AZIN1: variants seen among roughly 807,000 people sequenced by gnomAD.
AZIN1 encodes the protein antizyme inhibitor 1.
AZIN1 carries 12 observed loss-of-function variants against 47.4 expected under a neutral mutation model. The ratio of observed to expected loss-of-function variants is 0.25; its 90% CI spans 0.16 to 0.41. The LOEUF (loss-of-function observed/expected upper bound fraction) is 0.41, where lower values mean the gene tolerates loss of function less well. Ranked by LOEUF, AZIN1 falls within the 10% of genes least tolerant of loss-of-function variation. The pLI, the probability that AZIN1 is intolerant of heterozygous loss-of-function variation, is 1.00. For synonymous variants in AZIN1, 155 were observed against 176.3 expected, an observed-to-expected ratio of 0.88 and a Z score of 0.96; for missense variants, 410 against 532.4, an observed-to-expected ratio of 0.77 and a Z score of 2.26.
Position 102,839,833 on chromosome 8 carries a change from T to G in AZIN1, c.103-10A>C. 2.6e-6 allele frequency: 4 copies of G among 1,541,718 alleles called. No individual in the cohort carries two copies. The highest frequency in any genetic ancestry group is 3.5e-6 in the Non-Finnish European group (4 of 1,144,588). The stretch of plus-strand genomic sequence containing the variant: ...ATGCATTTTTCCCTGTCTATTATGG[T>G]TATAAAAAAAAAGACAAATATGAAC... On this transcript the variant is annotated splice_polypyrimidine_tract_variant and intron_variant, in intron 3 of 11. Coordinates refer to ENST00000337198, the MANE Select transcript of AZIN1 (RefSeq NM_148174.4).
intron 1 of AZIN1, among the ~76,000 whole-genome samples, chr8:102,859,387 AATAC>A (rs533200138): frequency 3.9e-5 from 6 of 152,350 alleles, no homozygotes; most frequent in African/African-American, 1.4e-4. Flanking sequence ...TCTTTTTCTC[AATAC>A]ATATATCCAC....
chr8:102,858,097 C>T lies in AZIN1; in HGVS notation c.-180G>A. On this transcript the variant is annotated 5_prime_UTR_variant, in exon 2 of 12. Transcript: ENST00000337198. The stretch of plus-strand genomic sequence containing the variant: ...CGTTGAAGTCGAACTGCTCTCTATA[C>T]AGCACTTCTCCTAGGCCCTCTGGGT... 2 of 398,984 alleles carry T rather than the reference C, an allele frequency of 5.0e-6. No individual in the cohort carries two copies. The highest frequency in any genetic ancestry group is 3.6e-5 in the East Asian group (1 of 28,074). 24.7% of individuals were successfully genotyped at this position (398,984 alleles called of 1,614,324 possible).
intron 2 of AZIN1, chr8:102,855,699 G>A (rs186022206): frequency 1.3e-5 from 2 of 152,296 alleles, no homozygotes; most frequent in Admixed American, 1.3e-4. Context: ...TAATTTCCAT[G>A]AAGCTGTTTT....
chr8:102,828,053 A>T lies in AZIN1; in HGVS notation c.*514T>A, dbSNP rs1811204376. ...AATCATACAAGGGTTACATTAGGTC[A>T]ACAAATACTATGATGCAATTTTACA... On this transcript the variant is annotated 3_prime_UTR_variant, in exon 12 of 12. Transcript: ENST00000337198. 6.5e-6 allele frequency: 1 copy of T among 152,730 alleles called. No individual in the cohort carries two copies. The highest frequency in any genetic ancestry group is 1.5e-5 in the Non-Finnish European group (1 of 68,082). 9.5% of individuals were successfully genotyped at this position (152,730 alleles called of 1,614,324 possible).
chr8:102,846,444 C>T (rs1217156606), intron 2 of AZIN1, among the ~76,000 whole-genome samples: 1 of 152,218 alleles, frequency 6.6e-6, no homozygotes, highest in African/African-American at 2.4e-5. Flanking sequence ...ATAGCAGTCT[C>T]CCAGCCTAAG....
intron 5 of AZIN1, among the ~76,000 whole-genome samples, chr8:102,838,258 G>A (rs1228825603): frequency 1.3e-5 from 2 of 152,030 alleles, no homozygotes; most frequent in Non-Finnish European, 2.9e-5. Context: ...AAAAATAAAA[G>A]TATTAGCCTT....
At chr8:102,834,111 A>T (rs1404034271) in intron 8 of AZIN1, 78 bp downstream of exon 8, 2 of 1,195,926 alleles carry the variant, frequency 1.7e-6, no homozygotes, top group South Asian at 1.3e-5. Context: ...CCATTGTAAA[A>T]ATCCTGCTCT....
At chr8:102,847,744 A>C (rs1254994221) in intron 2 of AZIN1, among the ~76,000 whole-genome samples, 1 of 152,028 alleles carries the variant, frequency 6.6e-6, no homozygotes, top group Admixed American at 6.6e-5. Flanking sequence ...CATCATGTCC[A>C]GCTAATTTTT....
intron 4 of AZIN1, among the ~76,000 whole-genome samples, chr8:102,839,185 T>C (rs1286805471): frequency 6.6e-6 from 1 of 152,040 alleles, no homozygotes; most frequent in African/African-American, 2.4e-5. Context: ...TTTAAAAACA[T>C]AAATAAATAA....
Position 102,828,520 on chromosome 8 carries a change from A to C in AZIN1, c.*47T>G. 7.8e-7 allele frequency: 1 copy of C among 1,275,242 alleles called. No individual in the cohort carries two copies. The highest frequency in any genetic ancestry group is 1.1e-6 in the Non-Finnish European group (1 of 898,626). The allele number at this position is 1,275,242 out of a possible 1,614,324, so 79.0% of individuals were successfully genotyped here. On this transcript the variant is annotated 3_prime_UTR_variant, in exon 12 of 12. Coordinates refer to ENST00000337198, the MANE Select transcript of AZIN1 (RefSeq NM_148174.4). ...TTTTCCACACTGGAATGTTGACCAGACAAGCTTAACCTGCAACTTCAGATC... is the reference window on the plus strand; with the variant it reads ...TTTTCCACACTGGAATGTTGACCAGCCAAGCTTAACCTGCAACTTCAGATC...
At chr8:102,857,304 T>C (rs1813353788) in intron 2 of AZIN1, among the ~76,000 whole-genome samples, 1 of 152,150 alleles carries the variant, frequency 6.6e-6, no homozygotes, top group African/African-American at 2.4e-5. Flanking sequence ...CCTGAAAACT[T>C]ACCTCTAAGT....
Position 102,827,362 on chromosome 8 carries a change from A to G in AZIN1, c.*1205T>C, listed in dbSNP as rs1451469050. Reference sequence around the variant, plus strand: ...ATAAAATTTTAGTAAGAAAAGAATTAAAAGTAATGACTAAGCAGAACAAAT... The same window carrying G: ...ATAAAATTTTAGTAAGAAAAGAATTGAAAGTAATGACTAAGCAGAACAAAT... On this transcript the variant is annotated 3_prime_UTR_variant, in exon 12 of 12. Coordinates refer to ENST00000337198, the MANE Select transcript of AZIN1 (RefSeq NM_148174.4). The G allele has an allele frequency of 6.6e-6, 1 of 152,210 alleles. No individual in the cohort carries two copies. Among genetic ancestry groups the G allele is most frequent in the Non-Finnish European group, 1.5e-5 (1 of 68,030 alleles). 9.4% of individuals were successfully genotyped at this position (152,210 alleles called of 1,614,324 possible).
chr8:102,852,722 G>GT (rs1278295661), intron 2 of AZIN1, among the ~76,000 whole-genome samples: 1 of 152,194 alleles, frequency 6.6e-6, no homozygotes, highest in Non-Finnish European at 1.5e-5. Flanking sequence ...ATGCTACACA[G>GT]TATTTTCTAC....
chr8:102,844,098 G>A (rs950927936), intron 2 of AZIN1, among the ~76,000 whole-genome samples: 1 of 152,316 alleles, frequency 6.6e-6, no homozygotes, highest in Non-Finnish European at 1.5e-5. Context: ...TAAGAGTAAA[G>A]AAAGCTAGTG....
At chr8:102,845,890 G>C (rs1812537944) in intron 2 of AZIN1, among the ~76,000 whole-genome samples, 1 of 152,104 alleles carries the variant, frequency 6.6e-6, no homozygotes, top group Admixed American at 6.6e-5. Context: ...TTAAGTAAGA[G>C]GTAAAACGAA....
In AZIN1 at chr8:102,839,768, CTG is replaced by C. The variant is rs1358547685; in HGVS notation, c.156_157del (p.His52GlnfsTer26). ...CTGAGCCACTACATTCTGCCATTGA[CTG>C]TGTTTCTTCACAATCTTTCCAAGAT... On this transcript the variant is annotated frameshift_variant, in exon 4 of 12. Transcript: ENST00000337198. LOFTEE classifies it high-confidence loss of function. 6.2e-7 allele frequency: 1 copy of C among 1,605,980 alleles called. No homozygotes were observed. Among genetic ancestry groups the C allele is most frequent in the Non-Finnish European group, 8.5e-7 (1 of 1,175,578 alleles).
At chr8:102,850,993 A>G (rs1305816947) in intron 2 of AZIN1, among the ~76,000 whole-genome samples, 1 of 152,200 alleles carries the variant, frequency 6.6e-6, no homozygotes, top group Non-Finnish European at 1.5e-5. Context: ...AAAATACACA[A>G]TTCTCACAGC....
At chr8:102,857,018 A>G (rs1813336638) in intron 2 of AZIN1, among the ~76,000 whole-genome samples, 1 of 152,260 alleles carries the variant, frequency 6.6e-6, no homozygotes. Context: ...GTTCCAGTCC[A>G]ACATTATGTT....
intron 2 of AZIN1, among the ~76,000 whole-genome samples, chr8:102,856,272 G>A (rs780883750): frequency 6.6e-5 from 10 of 152,060 alleles, no homozygotes; most frequent in Non-Finnish European, 1.3e-4. Context: ...AATATTTAAA[G>A]AAGTTATATT....
Sources: gnomAD v4.1 joint callset for allele counts (sites outside exome capture counted in the v4.1 genomes callset) on GRCh38, gnomAD v4.1.1 for gene constraint, MANE v1.5 for transcripts, NCBI Gene and HGNC (gene_info 2026-07-23, HGNC 2026-07-21) for gene names.